The following PUDP variants were observed in gnomAD, a reference collection of about 807,000 sequenced individuals.
PUDP encodes the protein pseudouridine-5'-phosphatase.
Under a neutral mutation model 9.4 loss-of-function variants are expected in PUDP, and 8 were observed. The observed-to-expected ratio is 0.85, with a 90% CI of 0.50 to 1.53. The LOEUF (loss-of-function observed/expected upper bound fraction) is 1.53, where lower values mean the gene tolerates loss of function less well. Ranked by LOEUF, PUDP falls within the 40% of genes most tolerant of loss-of-function variation. The pLI is 0.00. For missense variants in PUDP, 188 were observed against 189.7 expected, an observed-to-expected ratio of 0.99 and a Z score of 0.05; for synonymous variants, 99 against 80.7, an observed-to-expected ratio of 1.23 and a Z score of -1.22.
intron 3 of PUDP, among the ~76,000 whole-genome samples, chrX:6,953,485 C>CTT (rs35278355): frequency 1.1e-4 from 12 of 106,281 alleles, no homozygotes; most frequent in Non-Finnish European, 1.2e-4. Flanking sequence ...TAATACACCA[C>CTT]TTTTTTTTTC....
chrX:7,065,941 A>C (rs902254165), intron 3 of PUDP, among the ~76,000 whole-genome samples: 14 of 112,384 alleles, frequency 1.2e-4, no homozygotes, highest in Non-Finnish European at 2.4e-4. Flanking sequence ...ACATTAAATG[A>C]GATGCTAAAC....
At chrX:7,134,981 A>G (rs1429504726) in intron 1 of PUDP, among the ~76,000 whole-genome samples, 1 of 112,297 alleles carries the variant, frequency 8.9e-6, no homozygotes, top group Non-Finnish European at 1.9e-5. Flanking sequence ...ATTGAGGTAA[A>G]TAAGGGAAAG....
chrX:6,964,778 C>T (rs1928757696), intron 3 of PUDP, among the ~76,000 whole-genome samples: 1 of 111,833 alleles, frequency 8.9e-6, no homozygotes, highest in Admixed American at 9.6e-5. Context: ...GATTAAAGGT[C>T]AAATAAGATA....
intron 1 of PUDP, among the ~76,000 whole-genome samples, chrX:6,707,292 C>T (rs937391781): frequency 9.0e-6 from 1 of 111,504 alleles, no homozygotes; most frequent in African/African-American, 3.3e-5. Context: ...AGTTCCCAAC[C>T]TTTATGCCAC....
intron 3 of PUDP, among the ~76,000 whole-genome samples, chrX:6,930,247 G>T: frequency 9.0e-6 from 1 of 110,819 alleles, no homozygotes; most frequent in Non-Finnish European, 1.9e-5. Flanking sequence ...CTCCCAGGAG[G>T]TTAGGCATTC....
chrX:6,736,224 T>A (rs781612567), intron 3 of PUDP, among the ~76,000 whole-genome samples: 1 of 111,497 alleles, frequency 9.0e-6, no homozygotes, highest in East Asian at 2.8e-4. Flanking sequence ...AAATTTAAAC[T>A]CGTATCCTCA....
intron 3 of PUDP, among the ~76,000 whole-genome samples, chrX:6,750,252 G>C (rs769569278): frequency 8.9e-6 from 1 of 111,917 alleles, no homozygotes; most frequent in African/African-American, 3.2e-5. Context: ...GATTGAAATC[G>C]TTTCAGCAAT....
intron 1 of PUDP, among the ~76,000 whole-genome samples, chrX:7,138,326 C>T (rs1300948022): frequency 1.8e-5 from 2 of 110,037 alleles, no homozygotes; most frequent in Non-Finnish European, 3.8e-5. Context: ...TACCAATGGG[C>T]ACCCAGTTTA....
At chrX:6,731,620 C>T (rs1006094515) in intron 3 of PUDP, among the ~76,000 whole-genome samples, 16 of 111,187 alleles carry the variant, frequency 1.4e-4, no homozygotes, top group Non-Finnish European at 2.6e-4. Flanking sequence ...TAAGCTACAG[C>T]TACACTCAAC....
intron 3 of PUDP, among the ~76,000 whole-genome samples, chrX:6,805,553 C>T (rs1485206546): frequency 9.0e-6 from 1 of 110,705 alleles, no homozygotes. Flanking sequence ...GAGACAGAGT[C>T]TCAGTCTGTC....
At chrX:6,757,834 T>C (rs1024793662) in intron 3 of PUDP, among the ~76,000 whole-genome samples, 3 of 112,309 alleles carry the variant, frequency 2.7e-5, no homozygotes, top group African/African-American at 9.7e-5. Context: ...GCAGATCTTG[T>C]TTTGAACAGT....
At chrX:7,024,583 C>CCT (rs370976614) in intron 1 of PUDP, among the ~76,000 whole-genome samples, 102 of 83,084 alleles carry the variant, frequency 1.2e-3, no homozygotes, top group African/African-American at 6.2e-3. Context: ...CATAACCTAG[C>CCT]CTTCTCTCTT....
intron 2 of PUDP, among the ~76,000 whole-genome samples, chrX:7,100,335 C>T (rs1931695626): frequency 9.0e-6 from 1 of 111,158 alleles, no homozygotes; most frequent in Non-Finnish European, 1.9e-5. Flanking sequence ...TGGTAATCTA[C>T]CATTCACTCC....
intron 3 of PUDP, among the ~76,000 whole-genome samples, chrX:6,972,026 G>A (rs891489716): frequency 2.1e-4 from 23 of 111,801 alleles, no homozygotes; most frequent in African/African-American, 7.5e-4. Flanking sequence ...TCTATTATTG[G>A]TGTATAGGAA....
At chrX:7,027,804 T>C (rs1929735744) in intron 1 of PUDP, among the ~76,000 whole-genome samples, 1 of 17,903 alleles carries the variant, frequency 5.6e-5, no homozygotes. Flanking sequence ...GAATATATTA[T>C]TTTCTATATA....
At chrX:6,796,556 G>A (rs1362388431) in intron 3 of PUDP, among the ~76,000 whole-genome samples, 6 of 111,855 alleles carry the variant, frequency 5.4e-5, no homozygotes, top group African/African-American at 2.0e-4. Context: ...TATATAATTT[G>A]GTAAAGAATT....
chrX:6,733,013 C>T (rs893590714), intron 3 of PUDP, among the ~76,000 whole-genome samples: 33 of 112,006 alleles, frequency 2.9e-4, no homozygotes, highest in African/African-American at 1.1e-3. Flanking sequence ...GCAAAGGTGG[C>T]ATGTGGAGCC....
chrX:7,087,887 T>TA (rs1373743458), intron 2 of PUDP, among the ~76,000 whole-genome samples: 1 of 111,606 alleles, frequency 9.0e-6, no homozygotes, highest in Non-Finnish European at 1.9e-5. Context: ...TCTAATGTTC[T>TA]CCGGGGTCAC....
intron 3 of PUDP, among the ~76,000 whole-genome samples, chrX:6,763,666 T>C (rs937555112): frequency 1.8e-5 from 2 of 111,655 alleles, no homozygotes; most frequent in Admixed American, 9.5e-5. Context: ...TTGAGCACCA[T>C]GGGGTTTTTG....
Sources: allele counts gnomAD v4.1 joint callset (sites outside exome capture counted in the v4.1 genomes callset), GRCh38; gene constraint gnomAD v4.1.1; transcripts MANE v1.5; gene names NCBI Gene and HGNC (gene_info 2026-07-23, HGNC 2026-07-21).